CLK4: variants seen among roughly 807,000 people sequenced by gnomAD.
CLK4 encodes the protein dual specificity protein kinase CLK4.
A neutral mutation model predicts 64.4 loss-of-function variants in CLK4; 37 were observed. The ratio of observed to expected loss-of-function variants is 0.57; its 90% CI spans 0.44 to 0.76. The LOEUF is 0.76. CLK4 is among the 30% of genes least tolerant of loss of function. CLK4 has a pLI of 0.00. For synonymous variants in CLK4, 175 were observed against 191.6 expected (o/e 0.91, Z 0.72); for missense variants, 457 against 605.1 (o/e 0.76, Z 2.57).
chr5:178,622,867 A>G (rs1260841615), intron 2 of CLK4: 1 of 205,292 alleles, frequency 4.9e-6, no homozygotes, highest in Admixed American at 6.2e-5. Flanking sequence ...AACAATGAGC[A>G]CTACAACATA....
At chr5:178,621,200 A>G (rs914862311) in intron 2 of CLK4, among the ~76,000 whole-genome samples, 4 of 152,158 alleles carry the variant, frequency 2.6e-5, no homozygotes, top group Admixed American at 1.3e-4. Flanking sequence ...AAAAATGGTA[A>G]CCCTGGGCCT....
intron 9 of CLK4, 70 bp from the exon 10 acceptor site, chr5:178,608,528 CTA>C: frequency 1.8e-6 from 2 of 1,110,620 alleles, no homozygotes; most frequent in Admixed American, 4.3e-5. Flanking sequence ...AAATCCTTCC[CTA>C]TATGAGTGCT....
At chr5:178,626,115 T>C (rs1764776186) in intron 1 of CLK4, among the ~76,000 whole-genome samples, 1 of 152,162 alleles carries the variant, frequency 6.6e-6, no homozygotes, top group African/African-American at 2.4e-5. Context: ...AAACAGGTTA[T>C]AAGTTTAGGA....
At chr5:178,612,679 T>C in intron 8 of CLK4, 117 bp downstream of exon 8, 1 of 1,134,118 alleles carries the variant, frequency 8.8e-7, no homozygotes, top group Non-Finnish European at 1.3e-6. Flanking sequence ...GATTACTTCT[T>C]TTTGGTTAAA....
At position 178,613,857 on chromosome 5, in the gene CLK4, T is replaced by A. The variant is rs763806562; in HGVS notation, c.543-14A>T. The A allele has an allele frequency of 1.9e-5, 30 of 1,590,926 alleles. No individual in the cohort carries two copies. The highest frequency in any genetic ancestry group is 2.5e-5 in the Non-Finnish European group (29 of 1,159,396). On this transcript the variant is annotated splice_polypyrimidine_tract_variant and intron_variant, in intron 5 of 12. Coordinates refer to ENST00000316308, the MANE Select transcript of CLK4 (RefSeq NM_020666.3). ...TGCATGCCATCCCTTAAAAATAAAATTAAGATAAAAATGATAAATGTACAA... is the reference window on the plus strand; with the variant it reads ...TGCATGCCATCCCTTAAAAATAAAAATAAGATAAAAATGATAAATGTACAA...
chr5:178,611,060 G>A (rs1210950024), intron 9 of CLK4, among the ~76,000 whole-genome samples: 4 of 146,846 alleles, frequency 2.7e-5, no homozygotes, highest in Non-Finnish European at 5.9e-5. Context: ...GTGACAAAGT[G>A]AAACTCCATC....
chr5:178,609,401 G>C (rs1764520191), intron 9 of CLK4, among the ~76,000 whole-genome samples: 1 of 152,142 alleles, frequency 6.6e-6, no homozygotes, highest in Non-Finnish European at 1.5e-5. Context: ...ATAGAGCATG[G>C]GCCAGGCGCG....
Position 178,602,998 on chromosome 5 carries a change from T to C in CLK4, c.*619A>G, listed in dbSNP as rs967265594. 2 of 152,276 alleles carry C rather than the reference T, an allele frequency of 1.3e-5. No individual in the cohort carries two copies. The highest frequency in any genetic ancestry group is 2.9e-5 in the Non-Finnish European group (2 of 68,032). 9.4% of individuals were successfully genotyped at this position (152,276 alleles called of 1,614,324 possible). A position where few individuals can be genotyped will look rare whatever the true frequency, so the allele number is the denominator to read the frequency against. On this transcript the variant is annotated 3_prime_UTR_variant, in exon 13 of 13. Transcript: ENST00000316308. ...AGTTAGATTTTAATCTTAAATAAAG[T>C]GTGTATGTGGTTTTATTAAACAAAC...
At chr5:178,611,452 C>T (rs1764555883) in intron 9 of CLK4, among the ~76,000 whole-genome samples, 2 of 152,158 alleles carry the variant, frequency 1.3e-5, no homozygotes, top group African/African-American at 4.8e-5. Context: ...CTCAGTTCTC[C>T]TCAGTCACAC....
intron 10 of CLK4, among the ~76,000 whole-genome samples, chr5:178,607,507 CT>C (rs70997615): frequency 4.6e-4 from 36 of 78,062 alleles, no homozygotes; most frequent in African/African-American, 1.1e-3. Context: ...TACACTTTGT[CT>C]TTTTTTTTTT....
At chr5:178,626,538 A>T (rs989983025) in intron 1 of CLK4, among the ~76,000 whole-genome samples, 1 of 152,226 alleles carries the variant, frequency 6.6e-6, no homozygotes, top group African/African-American at 2.4e-5. Flanking sequence ...GAAACGCTAC[A>T]AACGGCCCAG....
intron 8 of CLK4, 103 bp downstream of exon 8, chr5:178,612,689 ACAAC>A (rs1409483069): frequency 1.9e-6 from 2 of 1,075,370 alleles, no homozygotes; most frequent in East Asian, 4.8e-5. Flanking sequence ...TTTTGGTTAA[ACAAC>A]AGGATATAAT....
chr5:178,603,820 A>G (rs754743706), intron 12 of CLK4, 24 bp downstream of exon 12: 2 of 1,591,572 alleles, frequency 1.3e-6, no homozygotes, highest in South Asian at 2.3e-5. Context: ...TGGTTTATTT[A>G]ACCTTTAATC....
chr5:178,618,378 A>G (rs747957763), intron 3 of CLK4, 178 bp downstream of exon 3: 7 of 234,974 alleles, frequency 3.0e-5, no homozygotes, highest in Non-Finnish European at 4.7e-5. Context: ...TAATAAATAT[A>G]CAGATCAGCT....
chr5:178,605,216 T>A lies in CLK4; in HGVS notation c.1214+87A>T, dbSNP rs531615836. ...AAGTCAAAATCTATAGTCCTTGGAA[T>A]CAGTATTACAACAACGTTGGGTTTT... On this transcript the variant is annotated intron_variant, in intron 11 of 12. Transcript: ENST00000316308. 84 of 643,320 alleles carry A rather than the reference T, an allele frequency of 1.3e-4. 1 individual carries two copies. In the African/African-American group the frequency reaches 1.5e-3, roughly 12 times the overall value. 39.9% of individuals were successfully genotyped at this position (643,320 alleles called of 1,614,324 possible). A position where few individuals can be genotyped will look rare whatever the true frequency, so the allele number is the denominator to read the frequency against.
At chr5:178,605,206 G>A in intron 11 of CLK4, 97 bp downstream of exon 11, 2 of 561,436 alleles carry the variant, frequency 3.6e-6, no homozygotes, top group Non-Finnish European at 5.7e-6. Flanking sequence ...AAAATCTATA[G>A]TCCTTGGAAT....
chr5:178,616,989 C>A (rs776936814), intron 4 of CLK4, 41 bp from the exon 5 acceptor site: 2 of 1,317,796 alleles, frequency 1.5e-6, no homozygotes, highest in Admixed American at 3.4e-5. Flanking sequence ...TACCTGAGTA[C>A]AAACTGTCTA....
intron 2 of CLK4, chr5:178,622,412 AGCTG>A: frequency 1.0e-6 from 1 of 986,622 alleles, no homozygotes; most frequent in South Asian, 4.7e-5. Flanking sequence ...AAGTAACCCC[AGCTG>A]GCTAATTTAG....
At chr5:178,613,017 T>A (rs1342354330) in intron 7 of CLK4, 127 bp from the exon 8 acceptor site, 2 of 515,880 alleles carry the variant, frequency 3.9e-6, no homozygotes, top group African/African-American at 2.0e-5. Flanking sequence ...AAATGTCTGT[T>A]TTTTTAGTGA....
Sources: allele counts gnomAD v4.1 joint callset (sites outside exome capture counted in the v4.1 genomes callset), GRCh38; gene constraint gnomAD v4.1.1; transcripts MANE v1.5; gene names NCBI Gene and HGNC (gene_info 2026-07-23, HGNC 2026-07-21).